Variants in MSR1 observed in about 807,000 individuals in gnomAD.
MSR1 encodes macrophage scavenger receptor 1, also known as macrophage scavenger receptor types I and II.
In MSR1, 53 loss-of-function variants were observed where a neutral mutation model predicts 47.2. That is an observed-to-expected ratio of 1.12 (90% CI 0.90 to 1.41). MSR1 has a LOEUF of 1.41. MSR1 is among the 40% of genes most tolerant of loss of function. MSR1 has a pLI of 0.00. For missense variants in MSR1, 786 were observed against 546.9 expected (o/e 1.44, Z -4.36); for synonymous variants, 239 against 185.6 (o/e 1.29, Z -2.34).
intron 7 of MSR1, 104 bp from the exon 8 acceptor site, chr8:16,143,715 G>T: frequency 1.3e-6 from 1 of 763,736 alleles, no homozygotes; most frequent in South Asian, 1.5e-5. Flanking sequence ...TAATAGAATG[G>T]ACAGATATTG....
intron 3 of MSR1, among the ~76,000 whole-genome samples, chr8:16,171,149 G>A (rs149796292): frequency 0.011 from 1,700 of 151,002 alleles, 26 homozygotes; most frequent in African/African-American, 0.039. Context: ...GCTTGAGCCC[G>A]GGAGGCGGAG....
At chr8:16,177,426 A>C (rs1801682533) in intron 2 of MSR1, among the ~76,000 whole-genome samples, 1 of 151,994 alleles carries the variant, frequency 6.6e-6, no homozygotes, top group Non-Finnish European at 1.5e-5. Flanking sequence ...AGCTGGGAGG[A>C]GGCACAGGAA....
At chr8:16,141,442 G>C (rs2117109370) in intron 8 of MSR1, among the ~76,000 whole-genome samples, 1 of 152,254 alleles carries the variant, frequency 6.6e-6, no homozygotes, top group Non-Finnish European at 1.5e-5. Flanking sequence ...TGGTGTAGCT[G>C]AATAATAGAA....
chr8:16,116,050 C>G (rs1439500829), intron 9 of MSR1, among the ~76,000 whole-genome samples: 1 of 152,130 alleles, frequency 6.6e-6, no homozygotes, highest in East Asian at 1.9e-4. Context: ...TGGAATATCA[C>G]TGATGTCAAT....
At chr8:16,134,238 T>C (rs1008170152) in intron 8 of MSR1, among the ~76,000 whole-genome samples, 1 of 152,190 alleles carries the variant, frequency 6.6e-6, no homozygotes, top group Non-Finnish European at 1.5e-5. Context: ...AGGGGCTCTT[T>C]TTAAATAGAT....
chr8:16,182,981 A>T (rs1010995950), intron 1 of MSR1, among the ~76,000 whole-genome samples: 1 of 152,144 alleles, frequency 6.6e-6, no homozygotes, highest in African/African-American at 2.4e-5. Context: ...CATCACCACA[A>T]ATATGTGAGT....
At chr8:16,124,089 C>G (rs906496461) in intron 8 of MSR1, among the ~76,000 whole-genome samples, 4 of 152,064 alleles carry the variant, frequency 2.6e-5, no homozygotes, top group Non-Finnish European at 5.9e-5. Context: ...TATTTTACAG[C>G]CTATTTCTTA....
At chr8:16,171,121 G>T (rs1005120742) in intron 3 of MSR1, among the ~76,000 whole-genome samples, 4 of 151,540 alleles carry the variant, frequency 2.6e-5, no homozygotes, top group Non-Finnish European at 5.9e-5. Context: ...CTGCTCGGGA[G>T]GCTGAGGCAG....
intron 8 of MSR1, among the ~76,000 whole-genome samples, chr8:16,135,425 A>T (rs1800365754): frequency 6.6e-6 from 1 of 152,148 alleles, no homozygotes; most frequent in Admixed American, 6.6e-5. Context: ...TGGTTTACTG[A>T]ATATTTTAAT....
At chr8:16,140,635 C>G in intron 8 of MSR1, 1 of 1,159,042 alleles carries the variant, frequency 8.6e-7, no homozygotes, top group Non-Finnish European at 1.1e-6. Context: ...CACAGCAGTT[C>G]TCCTAGAACC....
At chr8:16,182,807 C>CT (rs1563171212) in intron 1 of MSR1, among the ~76,000 whole-genome samples, 1 of 152,026 alleles carries the variant, frequency 6.6e-6, no homozygotes, top group Non-Finnish European at 1.5e-5. Context: ...ATGGTTGAAT[C>CT]TTTTTTTATA....
chr8:16,191,024 C>G (rs548051562), intron 1 of MSR1, among the ~76,000 whole-genome samples: 4 of 152,200 alleles, frequency 2.6e-5, no homozygotes, highest in South Asian at 2.1e-4. Flanking sequence ...CCCGGCCCAT[C>G]ATATTCTTAA....
At position 16,143,572 on chromosome 8, in the gene MSR1, C is replaced by T. The variant is rs1800619455; in HGVS notation, c.1019G>A (p.Ser340Asn). The change falls in exon 8 of 10, where the codon AGT becomes AAT. Residue 340 changes from serine to asparagine, a missense_variant. Coordinates refer to ENST00000262101, the MANE Select transcript of MSR1 (RefSeq NM_138715.3). ...TATATACTTACTTAATGTGTTTCCA[C>T]TCCCCTTTTCCCCTTTCTGGCCTTT... ...GPKGQKGEKG[S>N]GNTLTPFTKV... 1.2e-6 allele frequency: 2 copies of T among 1,612,300 alleles called. No individual in the cohort carries two copies. The highest frequency in any genetic ancestry group is 1.3e-5 in the African/African-American group (1 of 74,870).
rs3036816 is a variant in MSR1, at chr8:16,150,851, A to AACACACACACACAC, written c.899-554_899-541dup. Among the ~76,000 whole-genome samples the AACACACACACACAC allele has an allele frequency of 1.1e-3, 160 of 142,138 alleles. 1 individual carries two copies. The highest frequency in any genetic ancestry group is 4.2e-3 in the African/African-American group (156 of 36,982). 93.2% of individuals were successfully genotyped at this position (142,138 alleles called of 152,430 possible). On this transcript the variant is annotated intron_variant, in intron 6 of 9. Coordinates refer to ENST00000262101, the MANE Select transcript of MSR1 (RefSeq NM_138715.3). ...CCCAGGGTAAATAAACATAAACATA[A>AACACACACACACAC]ACACACACACACACACACACACACA...
At chr8:16,113,989 AT>A (rs1199660187) in intron 9 of MSR1, among the ~76,000 whole-genome samples, 2 of 151,824 alleles carry the variant, frequency 1.3e-5, no homozygotes, top group Non-Finnish European at 2.9e-5. Context: ...TATGAAAAAA[AT>A]ATGCTATTTT....
At chr8:16,182,979 C>T (rs1801879846) in intron 1 of MSR1, among the ~76,000 whole-genome samples, 1 of 152,118 alleles carries the variant, frequency 6.6e-6, no homozygotes, top group Non-Finnish European at 1.5e-5. Flanking sequence ...AGCATCACCA[C>T]AAATATGTGA....
intron 5 of MSR1, among the ~76,000 whole-genome samples, chr8:16,161,102 G>A (rs537469448): frequency 2.1e-4 from 31 of 150,678 alleles, no homozygotes; most frequent in African/African-American, 4.9e-4. Context: ...ACTGAGAAGC[G>A]GATGTAATAC....
chr8:16,120,273 A>G (rs1287084265), intron 9 of MSR1, 145 bp downstream of exon 9: 16 of 812,222 alleles, frequency 2.0e-5, no homozygotes, highest in Non-Finnish European at 3.3e-5. Flanking sequence ...GCTACTAGGC[A>G]GGCTAAGGGA....
At chr8:16,124,027 A>T (rs1563140903) in intron 8 of MSR1, among the ~76,000 whole-genome samples, 1 of 152,166 alleles carries the variant, frequency 6.6e-6, no homozygotes, top group Non-Finnish European at 1.5e-5. Context: ...GATGACAGTT[A>T]CTGTCTCTTT....
Sources: allele counts gnomAD v4.1 joint callset (sites outside exome capture counted in the v4.1 genomes callset), GRCh38; gene constraint gnomAD v4.1.1; transcripts MANE v1.5; gene names NCBI Gene and HGNC (gene_info 2026-07-23, HGNC 2026-07-21).